Variants in CNBD1 observed in about 807,000 individuals in gnomAD.
CNBD1 encodes the protein cyclic nucleotide-binding domain-containing protein 1.
CNBD1 carries 71 observed loss-of-function variants against 54.4 expected under a neutral mutation model. The observed-to-expected ratio is 1.30, with a 90% CI of 1.08 to 1.59. CNBD1 has a LOEUF of 1.59. Among genes scored for constraint, CNBD1 ranks in the 40% most tolerant of loss-of-function variants. CNBD1 has a pLI of 0.00. For synonymous variants in CNBD1, 182 were observed against 170.7 expected, an observed-to-expected ratio of 1.07 and a Z score of -0.51; for missense variants, 659 against 518.0, an observed-to-expected ratio of 1.27 and a Z score of -2.64.
intron 4 of CNBD1, among the ~76,000 whole-genome samples, chr8:87,086,210 T>A (rs1185255484): frequency 6.6e-6 from 1 of 152,200 alleles, no homozygotes; most frequent in African/African-American, 2.4e-5. Context: ...AATTCAATAA[T>A]ACTTTTTAGC....
chr8:87,183,381 GTTTGTT>G (rs1161739450), intron 4 of CNBD1, among the ~76,000 whole-genome samples: 7 of 73,418 alleles, frequency 9.5e-5, no homozygotes, highest in African/African-American at 3.7e-4. Context: ...TTTTTGCGCT[GTTTGTT>G]TTTTTTTTTT....
intron 8 of CNBD1, among the ~76,000 whole-genome samples, chr8:87,341,542 A>T (rs895892011): frequency 6.6e-6 from 1 of 152,226 alleles, no homozygotes; most frequent in Non-Finnish European, 1.5e-5. Context: ...TACAAAATTC[A>T]TGTTAAAATG....
At chr8:87,425,820 GC>G (rs1446557198) in intron 2 of CNBD1, among the ~76,000 whole-genome samples, 4 of 152,108 alleles carry the variant, frequency 2.6e-5, no homozygotes, top group African/African-American at 9.7e-5. Context: ...AGGCAGGCAG[GC>G]CTCCTTGAGC....
chr8:87,155,357 C>T (rs1010388109), intron 4 of CNBD1, among the ~76,000 whole-genome samples: 28 of 152,034 alleles, frequency 1.8e-4, no homozygotes, highest in Middle Eastern at 3.2e-3. Context: ...TTGCATTTGA[C>T]GGCTTAGATA....
At chr8:86,902,206 A>G (rs190773794) in intron 2 of CNBD1, among the ~76,000 whole-genome samples, 2 of 152,208 alleles carry the variant, frequency 1.3e-5, no homozygotes, top group Non-Finnish European at 2.9e-5. Flanking sequence ...GACTACATTT[A>G]CCAACCTCCC....
chr8:87,153,170 C>A (rs1479375962), intron 4 of CNBD1, among the ~76,000 whole-genome samples: 1 of 151,948 alleles, frequency 6.6e-6, no homozygotes, highest in Admixed American at 6.6e-5. Flanking sequence ...CTATAGTTAC[C>A]CACCACAATA....
chr8:87,428,164 A>G (rs951530069), intron 2 of CNBD1, among the ~76,000 whole-genome samples: 1 of 152,090 alleles, frequency 6.6e-6, no homozygotes, highest in Non-Finnish European at 1.5e-5. Context: ...GAAAAAAAAA[A>G]AGTCAGAAAA....
chr8:87,083,751 G>A (rs1811044743), intron 4 of CNBD1, among the ~76,000 whole-genome samples: 1 of 151,720 alleles, frequency 6.6e-6, no homozygotes, highest in Admixed American at 6.6e-5. Flanking sequence ...ACCACACCCG[G>A]CTAATTTTTT....
chr8:87,404,246 TG>T (rs1345410843), intron 2 of CNBD1, among the ~76,000 whole-genome samples: 1 of 152,074 alleles, frequency 6.6e-6, no homozygotes, highest in Non-Finnish European at 1.5e-5. Context: ...AGCTTGTTTA[TG>T]GCTCATGCAA....
At chr8:87,391,300 C>T (rs772354588) in intron 2 of CNBD1, among the ~76,000 whole-genome samples, 1 of 151,858 alleles carries the variant, frequency 6.6e-6, no homozygotes, top group South Asian at 2.1e-4. Flanking sequence ...CAAATTGATG[C>T]ACAAATTCAA....
chr8:87,424,189 G>A (rs1586094775), intron 2 of CNBD1, among the ~76,000 whole-genome samples: 1 of 151,932 alleles, frequency 6.6e-6, no homozygotes, highest in African/African-American at 2.4e-5. Context: ...AGTCTTGCTA[G>A]CGGTCTATCT....
chr8:87,422,070 C>T (rs1056998020), intron 2 of CNBD1, among the ~76,000 whole-genome samples: 6 of 142,290 alleles, frequency 4.2e-5, no homozygotes, highest in African/African-American at 1.7e-4. Context: ...GCATAAATGT[C>T]TTTGTTTGAG....
At chr8:87,036,710 C>T (rs984928730) in intron 4 of CNBD1, among the ~76,000 whole-genome samples, 3 of 148,514 alleles carry the variant, frequency 2.0e-5, no homozygotes. Context: ...TTCATTTATT[C>T]ACTTGTTTCT....
chr8:86,926,232 T>C (rs543126378), intron 3 of CNBD1, among the ~76,000 whole-genome samples: 1 of 152,218 alleles, frequency 6.6e-6, no homozygotes, highest in South Asian at 2.1e-4. Flanking sequence ...CAACTGCTGT[T>C]GAGAACTGGG....
intron 4 of CNBD1, among the ~76,000 whole-genome samples, chr8:86,967,872 G>A (rs1477551805): frequency 6.7e-6 from 1 of 148,230 alleles, no homozygotes; most frequent in South Asian, 2.1e-4. Context: ...GTAATTTTTT[G>A]TTGAAAGGTA....
chr8:87,233,364 C>T (rs141034149), intron 5 of CNBD1, among the ~76,000 whole-genome samples: 5 of 152,172 alleles, frequency 3.3e-5, no homozygotes, highest in African/African-American at 1.2e-4. Flanking sequence ...ATGAATATCA[C>T]GATAATGTGA....
At chr8:87,001,710 G>T (rs1808997059) in intron 4 of CNBD1, among the ~76,000 whole-genome samples, 1 of 152,116 alleles carries the variant, frequency 6.6e-6, no homozygotes, top group Non-Finnish European at 1.5e-5. Flanking sequence ...ACTCAGCAGA[G>T]GGAATGCTCA....
rs193255521 is a variant in CNBD1, at chr8:87,093,586, C to T, written c.432-112407C>T. ...AAAGTTAATAATATCTAAGAAATAC[C>T]TTCACAGTAACGCCGAGATTGCTGT... On this transcript the variant is annotated intron_variant, in intron 4 of 10. Coordinates refer to ENST00000518476, the MANE Select transcript of CNBD1 (RefSeq NM_173538.3). Among the ~76,000 whole-genome samples the T allele has an allele frequency of 2.4e-4, 37 of 152,198 alleles. No individual in the cohort carries two copies. The East Asian group carries it at 6.6e-3, about 27-fold the overall frequency.
At chr8:87,272,332 TA>T (rs530560841) in intron 6 of CNBD1, among the ~76,000 whole-genome samples, 5 of 152,004 alleles carry the variant, frequency 3.3e-5, no homozygotes, top group African/African-American at 1.2e-4. Flanking sequence ...CACATGTATC[TA>T]AAAAATATGT....
Sources: allele counts gnomAD v4.1 joint callset (sites outside exome capture counted in the v4.1 genomes callset), GRCh38; gene constraint gnomAD v4.1.1; transcripts MANE v1.5; gene names NCBI Gene and HGNC (gene_info 2026-07-23, HGNC 2026-07-21).